Variants in PTPRT observed in about 807,000 individuals in gnomAD.
PTPRT encodes protein tyrosine phosphatase receptor type T.
In PTPRT, 56 loss-of-function variants were observed where a neutral mutation model predicts 176.8. The observed-to-expected ratio is 0.32, with a 90% CI of 0.26 to 0.40. The LOEUF is 0.40. PTPRT is among the 10% of genes least tolerant of loss of function. The pLI is 1.00. For synonymous variants in PTPRT, 783 were observed against 739.0 expected (o/e 1.06, Z -0.96); for missense variants, 1,540 against 1,908.2 (o/e 0.81, Z 3.60).
At chr20:42,112,197 G>T (rs925528045) in intron 22 of PTPRT, among the ~76,000 whole-genome samples, 1 of 152,222 alleles carries the variant, frequency 6.6e-6, no homozygotes, top group Non-Finnish European at 1.5e-5. Context: ...ATGGATTCAG[G>T]TGGGTGGATC....
chr20:42,035,750 A>G, the PTPRT span, among the ~76,000 whole-genome samples: 1 of 152,198 alleles, frequency 6.6e-6, no homozygotes, highest in South Asian at 2.1e-4. Flanking sequence ...GGCACTCAGT[A>G]AAAATTGATA....
intron 16 of PTPRT, among the ~76,000 whole-genome samples, chr20:42,192,305 C>T (rs1253636020): frequency 6.6e-6 from 1 of 152,126 alleles, no homozygotes; most frequent in Non-Finnish European, 1.5e-5. Flanking sequence ...TTTACCACCA[C>T]CCCAGCCAGC....
chr20:42,849,390 A>G (rs1252901287), intron 2 of PTPRT, among the ~76,000 whole-genome samples: 1 of 152,258 alleles, frequency 6.6e-6, no homozygotes, highest in Non-Finnish European at 1.5e-5. Context: ...AATCAACTAA[A>G]TTAAATCAAT....
At chr20:42,483,227 G>A (rs913146974) in intron 7 of PTPRT, among the ~76,000 whole-genome samples, 7 of 152,206 alleles carry the variant, frequency 4.6e-5, no homozygotes, top group Admixed American at 2.6e-4. Context: ...GTTCAGTGGC[G>A]TGATCTTGGC....
rs56156122 is a variant in PTPRT at position 42,694,040 on chromosome 20, CTTT to C, written c.860-15884_860-15882del. 3.8e-4 allele frequency among the ~76,000 whole-genome samples: 52 copies of C among 138,412 alleles called. 4 individuals carry two copies. The highest frequency in any genetic ancestry group is 7.0e-4 in the African/African-American group (26 of 37,354). The allele number at this position is 138,412 out of a possible 152,430, so 90.8% of individuals were successfully genotyped here. ...GGTTTTTTTTCTTTTATTTTATTTT[CTTT>C]TTTTTTTTTTTTTGAGCCAGAGTCT... On this transcript the variant is annotated intron_variant, in intron 6 of 30. Coordinates refer to ENST00000373187, the MANE Select transcript of PTPRT (RefSeq NM_007050.6).
chr20:42,275,775 T>C (rs74697020), intron 13 of PTPRT, among the ~76,000 whole-genome samples: 3,135 of 152,292 alleles, frequency 0.021, 110 homozygotes, highest in African/African-American at 0.073. Context: ...TATTTTTCCA[T>C]TGACATTTTA....
At chr20:42,683,109 C>A (rs1164577387) in intron 6 of PTPRT, among the ~76,000 whole-genome samples, 5 of 152,170 alleles carry the variant, frequency 3.3e-5, no homozygotes, top group Admixed American at 2.0e-4. Context: ...ATTTTCTATT[C>A]ACTGACCCTC....
chr20:42,150,506 C>T (rs1989080266), intron 17 of PTPRT, among the ~76,000 whole-genome samples: 1 of 152,176 alleles, frequency 6.6e-6, no homozygotes, highest in South Asian at 2.1e-4. Context: ...ACTGTACTCT[C>T]CTGGTGCAGG....
At chr20:42,457,948 T>G (rs2070951961) in intron 8 of PTPRT, among the ~76,000 whole-genome samples, 1 of 152,182 alleles carries the variant, frequency 6.6e-6, no homozygotes, top group Non-Finnish European at 1.5e-5. Context: ...ACCAGGGCAC[T>G]GACCTCTCTC....
At chr20:43,069,252 G>A (rs1344069449) in intron 1 of PTPRT, among the ~76,000 whole-genome samples, 1 of 152,136 alleles carries the variant, frequency 6.6e-6, no homozygotes, top group East Asian at 1.9e-4. Flanking sequence ...GGGTCCCTCG[G>A]TTAACGCGCG....
intron 2 of PTPRT, among the ~76,000 whole-genome samples, chr20:42,877,456 G>C (rs772187408): frequency 6.6e-6 from 1 of 152,088 alleles, no homozygotes; most frequent in African/African-American, 2.4e-5. Context: ...CAAGAAACAG[G>C]GTTGGAGACT....
chr20:42,172,824 A>G (rs1314131615), intron 16 of PTPRT, among the ~76,000 whole-genome samples: 1 of 146,216 alleles, frequency 6.8e-6, no homozygotes, highest in Non-Finnish European at 1.5e-5. Flanking sequence ...AGGACCTCTC[A>G]TGCAATGGAA....
chr20:42,477,674 T>A (rs138647917), intron 7 of PTPRT, among the ~76,000 whole-genome samples: 1 of 152,200 alleles, frequency 6.6e-6, no homozygotes, highest in East Asian at 1.9e-4. Context: ...GCCTAGAGCC[T>A]ATGGTTTCTG....
At chr20:42,351,501 G>GT (rs2058283258) in intron 10 of PTPRT, among the ~76,000 whole-genome samples, 1 of 152,124 alleles carries the variant, frequency 6.6e-6, no homozygotes, top group Non-Finnish European at 1.5e-5. Flanking sequence ...AAAAAAACAT[G>GT]TTTTTCTGGA....
intron 7 of PTPRT, among the ~76,000 whole-genome samples, chr20:42,666,778 CATTT>C (rs373978562): frequency 9.8e-5 from 15 of 152,292 alleles, no homozygotes; most frequent in Middle Eastern, 6.8e-3. Flanking sequence ...ACTGTAATTA[CATTT>C]AAGAATAGGA....
intron 7 of PTPRT, among the ~76,000 whole-genome samples, chr20:42,508,338 G>T (rs2071887355): frequency 6.6e-6 from 1 of 152,102 alleles, no homozygotes; most frequent in Admixed American, 6.6e-5. Flanking sequence ...AACAGTTGGG[G>T]TTGGGAGAGA....
intron 7 of PTPRT, among the ~76,000 whole-genome samples, chr20:42,476,665 C>T (rs1376106311): frequency 6.6e-6 from 1 of 152,088 alleles, no homozygotes; most frequent in African/African-American, 2.4e-5. Context: ...TCTGGTGAAC[C>T]TAGAGATTCG....
intron 1 of PTPRT, among the ~76,000 whole-genome samples, chr20:43,090,461 G>T (rs930720583): frequency 2.0e-5 from 3 of 152,026 alleles, no homozygotes; most frequent in South Asian, 2.1e-4. Context: ...GTAGAGACAG[G>T]GTTTCACCGT....
intron 26 of PTPRT, among the ~76,000 whole-genome samples, chr20:42,099,733 G>C (rs1289905112): frequency 6.6e-6 from 1 of 152,168 alleles, no homozygotes; most frequent in African/African-American, 2.4e-5. Flanking sequence ...TTTCAGTGCA[G>C]TTACAAGCAA....
Sources: allele counts gnomAD v4.1 joint callset (sites outside exome capture counted in the v4.1 genomes callset), GRCh38; gene constraint gnomAD v4.1.1; transcripts MANE v1.5; gene names NCBI Gene and HGNC (gene_info 2026-07-23, HGNC 2026-07-21).